FOXO1: variants seen among roughly 807,000 people sequenced by gnomAD.
FOXO1 encodes the protein forkhead box O1, also known as forkhead box protein O1.
FOXO1 carries 6 observed loss-of-function variants against 44.1 expected under a neutral mutation model. That is an observed-to-expected ratio of 0.14 (90% CI 0.07 to 0.27). The LOEUF is 0.27. Ranked by LOEUF, FOXO1 falls within the 10% of genes least tolerant of loss-of-function variation. FOXO1 has a pLI of 1.00. For missense variants in FOXO1, 737 were observed against 888.8 expected, an observed-to-expected ratio of 0.83 and a Z score of 2.17; for synonymous variants, 380 against 362.7, an observed-to-expected ratio of 1.05 and a Z score of -0.54.
chr13:40,555,828 G>GT lies in FOXO1; in HGVS notation c.*3220dup, dbSNP rs1873724427. On this transcript the variant is annotated 3_prime_UTR_variant, in exon 3 of 3. Transcript: ENST00000379561. ...TATAGCAAAGATTGTTCTTGTGTCT[G>GT]TAAGTACATCAACATCAGGCACTTC... The GT allele has an allele frequency of 2.0e-5, 3 of 152,654 alleles. No homozygotes were observed. Among genetic ancestry groups the GT allele is most frequent in the Admixed American group, 6.5e-5 (1 of 15,286 alleles). 9.5% of individuals were successfully genotyped at this position (152,654 alleles called of 1,614,324 possible).
intron 1 of FOXO1, among the ~76,000 whole-genome samples, chr13:40,655,426 A>G (rs965415679): frequency 2.6e-5 from 4 of 151,438 alleles, no homozygotes; most frequent in African/African-American, 4.9e-5. Flanking sequence ...TTTGCCTGAC[A>G]TCATTAACAA....
At chr13:40,639,883 A>G (rs1877292387) in intron 1 of FOXO1, among the ~76,000 whole-genome samples, 1 of 152,254 alleles carries the variant, frequency 6.6e-6, no homozygotes, top group African/African-American at 2.4e-5. Flanking sequence ...AGAACGGGAG[A>G]GAGCAACCTT....
intron 1 of FOXO1, among the ~76,000 whole-genome samples, chr13:40,617,891 A>G (rs1477931982): frequency 6.6e-6 from 1 of 152,232 alleles, no homozygotes; most frequent in Non-Finnish European, 1.5e-5. Context: ...GAAGACAAGG[A>G]AGGAAAAGCT....
In FOXO1 at chr13:40,619,919, GA is replaced by G. The variant is rs1209650923; in HGVS notation, c.630+45663del. On this transcript the variant is annotated intron_variant, in intron 1 of 2. Coordinates refer to ENST00000379561, the MANE Select transcript of FOXO1 (RefSeq NM_002015.4). ...GGGGCTAGATATAATGTTACAGTGA[GA>G]AATACAAACCAAAGATTAGGGCCAA... 4.4e-6 allele frequency: 3 copies of G among 685,048 alleles called. No individual in the cohort carries two copies. The African/African-American group carries it at 5.3e-5, about 12-fold the overall frequency. 42.4% of individuals were successfully genotyped at this position (685,048 alleles called of 1,614,324 possible). A position where few individuals can be genotyped will look rare whatever the true frequency, so the allele number is the denominator to read the frequency against.
chr13:40,644,823 A>C (rs1378705836), intron 1 of FOXO1, among the ~76,000 whole-genome samples: 1 of 152,224 alleles, frequency 6.6e-6, no homozygotes, highest in Non-Finnish European at 1.5e-5. Flanking sequence ...TTCTCCATCC[A>C]GTCCATGGTC....
At chr13:40,665,486 C>T in intron 1 of FOXO1, 97 bp downstream of exon 1, 1 of 1,095,486 alleles carries the variant, frequency 9.1e-7, no homozygotes, top group South Asian at 3.6e-5. Flanking sequence ...GCGCTGCCCT[C>T]CTGCTCCGCA....
chr13:40,658,745 T>C (rs576340919), intron 1 of FOXO1, among the ~76,000 whole-genome samples: 269 of 152,264 alleles, frequency 1.8e-3, no homozygotes, highest in African/African-American at 6.4e-3. Context: ...CGCAGTGGCT[T>C]ACGCCTGTAA....
chr13:40,588,549 G>T (rs150022462), intron 1 of FOXO1, among the ~76,000 whole-genome samples: 6 of 152,090 alleles, frequency 3.9e-5, no homozygotes, highest in Non-Finnish European at 7.4e-5. Flanking sequence ...TAAGATTTTG[G>T]GGGGGACATT....
chr13:40,655,533 TC>T (rs1012516733), intron 1 of FOXO1, among the ~76,000 whole-genome samples: 14 of 152,026 alleles, frequency 9.2e-5, no homozygotes, highest in Non-Finnish European at 1.3e-4. Context: ...GTGGGCTTTT[TC>T]ATTTATTTAA....
intron 1 of FOXO1, among the ~76,000 whole-genome samples, chr13:40,580,359 C>G (rs142748225): frequency 6.6e-6 from 1 of 152,000 alleles, no homozygotes; most frequent in African/African-American, 2.4e-5. Context: ...AAGCAGGAGA[C>G]GGGGAAAGAG....
chr13:40,602,203 C>A (rs1875836719), intron 1 of FOXO1, among the ~76,000 whole-genome samples: 1 of 152,192 alleles, frequency 6.6e-6, no homozygotes, highest in African/African-American at 2.4e-5. Context: ...CCCTCCCTCA[C>A]TTTCTGAAGA....
chr13:40,607,110 A>T (rs1182141876), intron 1 of FOXO1, among the ~76,000 whole-genome samples: 1 of 152,116 alleles, frequency 6.6e-6, no homozygotes, highest in East Asian at 1.9e-4. Context: ...GACCAGACCC[A>T]GGTTTCTTCC....
At chr13:40,579,957 CCAATT>C (rs1349421935) in intron 1 of FOXO1, among the ~76,000 whole-genome samples, 1 of 152,190 alleles carries the variant, frequency 6.6e-6, no homozygotes, top group African/African-American at 2.4e-5. Flanking sequence ...CTCTTTATTA[CCAATT>C]ATACGAGCTC....
In FOXO1 at chr13:40,564,716, C is replaced by A. The variant is rs202199493; in HGVS notation, c.631-3856G>T. Among the ~76,000 whole-genome samples the A allele has an allele frequency of 5.3e-5, 8 of 152,326 alleles. No homozygotes were observed. The East Asian group carries it at 1.5e-3, about 29-fold the overall frequency. ...TTACCTGAGGACAGAGGCAGGATGTCAGGACAGAGGTTCATGCCCTGTCAA... is the reference window on the plus strand; with the variant it reads ...TTACCTGAGGACAGAGGCAGGATGTAAGGACAGAGGTTCATGCCCTGTCAA... On this transcript the variant is annotated intron_variant, in intron 1 of 2. Coordinates refer to ENST00000379561, the MANE Select transcript of FOXO1 (RefSeq NM_002015.4).
At chr13:40,636,401 G>A (rs1877153029) in intron 1 of FOXO1, among the ~76,000 whole-genome samples, 1 of 152,106 alleles carries the variant, frequency 6.6e-6, no homozygotes, top group Non-Finnish European at 1.5e-5. Flanking sequence ...TGGGCCCAGT[G>A]GCTCATGCCT....
intron 1 of FOXO1, among the ~76,000 whole-genome samples, chr13:40,609,613 C>G (rs1023343425): frequency 2.0e-5 from 3 of 152,094 alleles, no homozygotes; most frequent in African/African-American, 7.2e-5. Flanking sequence ...AACATGTCTT[C>G]CTATTTTTGA....
chr13:40,637,169 C>T (rs1367978745), intron 1 of FOXO1, among the ~76,000 whole-genome samples: 6 of 152,094 alleles, frequency 3.9e-5, no homozygotes, highest in Non-Finnish European at 7.4e-5. Context: ...TATGGCCGAG[C>T]GCGGTGGCTC....
chr13:40,567,565 A>C (rs1177844136), intron 1 of FOXO1, among the ~76,000 whole-genome samples: 2 of 152,204 alleles, frequency 1.3e-5, no homozygotes, highest in African/African-American at 4.8e-5. Flanking sequence ...TGTTAAGAAG[A>C]ATCAAAGGAA....
chr13:40,601,779 T>C (rs1875823476), intron 1 of FOXO1, among the ~76,000 whole-genome samples: 1 of 152,224 alleles, frequency 6.6e-6, no homozygotes, highest in Non-Finnish European at 1.5e-5. Context: ...AGCATCTTTG[T>C]ACTAGTACTG....
Sources: gnomAD v4.1 joint callset for allele counts (sites outside exome capture counted in the v4.1 genomes callset) on GRCh38, gnomAD v4.1.1 for gene constraint, MANE v1.5 for transcripts, NCBI Gene and HGNC (gene_info 2026-07-23, HGNC 2026-07-21) for gene names.